The following PHF20L1 variants were observed in gnomAD, a reference collection of about 807,000 sequenced individuals.
The protein encoded by PHF20L1 is PHD finger protein 20-like protein 1.
Under a neutral mutation model 125.5 loss-of-function variants are expected in PHF20L1, and 44 were observed. That is an observed-to-expected ratio of 0.35 (90% CI 0.28 to 0.45). PHF20L1 has a LOEUF of 0.45. PHF20L1 is among the 20% of genes least tolerant of loss of function. PHF20L1 has a pLI of 1.00. For missense variants in PHF20L1, 1,012 were observed against 1,217.2 expected, an observed-to-expected ratio of 0.83 and a Z score of 2.51; for synonymous variants, 380 against 403.1, an observed-to-expected ratio of 0.94 and a Z score of 0.69.
At position 132,799,089 on chromosome 8, in the gene PHF20L1, T is replaced by C; in HGVS notation, c.430-6T>C. 4 of 1,607,634 alleles carry C rather than the reference T, an allele frequency of 2.5e-6. No individual in the cohort carries two copies. Among genetic ancestry groups the C allele is most frequent in the Non-Finnish European group, 3.4e-6 (4 of 1,175,690 alleles). On this transcript the variant is annotated splice_region_variant and splice_polypyrimidine_tract_variant and intron_variant, in intron 5 of 20. Coordinates refer to ENST00000395386, the MANE Select transcript of PHF20L1 (RefSeq NM_016018.5). The stretch of plus-strand genomic sequence containing the variant: ...TAAAGTTATAGGTCACTAGTTTCTG[T>C]TCCAGGTGAAATCCCAGCATCCACT...
At position 132,846,927 on chromosome 8, in the gene PHF20L1, T is replaced by A. The variant is rs1438259617; in HGVS notation, c.*1004T>A. On this transcript the variant is annotated 3_prime_UTR_variant, in exon 21 of 21. Transcript: ENST00000395386. ...TGTGGATTTTTTTAACTGCTAGTAGTGGAATACTGGAAAAGCTTCATTTCT... is the reference window on the plus strand; with the variant it reads ...TGTGGATTTTTTTAACTGCTAGTAGAGGAATACTGGAAAAGCTTCATTTCT... 1 of 152,526 alleles carries A rather than the reference T, an allele frequency of 6.6e-6. No homozygotes were observed. The highest frequency in any genetic ancestry group is 1.5e-5 in the Non-Finnish European group (1 of 68,002). 9.4% of individuals were successfully genotyped at this position (152,526 alleles called of 1,614,324 possible).
rs147410409 is a variant in PHF20L1 at position 132,809,871 on chromosome 8, G to A, written c.848-1175G>A. 6.6e-5 allele frequency: 10 copies of A among 151,878 alleles called. No homozygotes were observed. The East Asian group carries it at 1.9e-3, about 29-fold the overall frequency. The allele number at this position is 151,878 out of a possible 1,614,324, so 9.4% of individuals were successfully genotyped here. A position where few individuals can be genotyped will look rare whatever the true frequency, so the allele number is the denominator to read the frequency against. ...AATGACACAGAAATGAATTTTGGTGGCCTTTTATGAGCAGGGTGGCCTTAA... is the reference window on the plus strand; with the variant it reads ...AATGACACAGAAATGAATTTTGGTGACCTTTTATGAGCAGGGTGGCCTTAA... On this transcript the variant is annotated intron_variant, in intron 8 of 20. Transcript: ENST00000395386.
At chr8:132,809,236 G>A (rs1225533750) in intron 8 of PHF20L1, 3 of 151,850 alleles carry the variant, frequency 2.0e-5, no homozygotes, top group Non-Finnish European at 2.9e-5. Flanking sequence ...GTGCCATCTC[G>A]GCTCACTGCA....
intron 6 of PHF20L1, chr8:132,800,080 T>C (rs897310569): frequency 6.6e-6 from 1 of 151,618 alleles, no homozygotes; most frequent in African/African-American, 2.4e-5. Context: ...ATTATTTTGT[T>C]ATTCTGGTTG....
intron 2 of PHF20L1, among the ~76,000 whole-genome samples, chr8:132,787,704 A>G (rs1283860690): frequency 2.0e-5 from 3 of 152,152 alleles, no homozygotes; most frequent in Non-Finnish European, 2.9e-5. Context: ...AAATACTGTA[A>G]TTGTAGTATG....
At chr8:132,825,629 C>T (rs1034698929) in intron 14 of PHF20L1, among the ~76,000 whole-genome samples, 12 of 151,990 alleles carry the variant, frequency 7.9e-5, no homozygotes, top group Admixed American at 2.6e-4. Context: ...ATGGTAGACT[C>T]GATGCCCTGA....
rs1186056940 is a variant in PHF20L1 at position 132,836,570 on chromosome 8, C to A, written c.1940C>A (p.Ser647Tyr). ...TCAGATGTAGACTTCCTAGATGATTCTTCAACGGAGAGTTTGCTTCTGAGT... is the reference window on the plus strand; with the variant it reads ...TCAGATGTAGACTTCCTAGATGATTATTCAACGGAGAGTTTGCTTCTGAGT... ...NLSDVDFLDDSSTESLLLSGD... is the reference protein window; with the variant it reads ...NLSDVDFLDDYSTESLLLSGD... The change falls in exon 16 of 21, where the codon TCT (serine) becomes TAT (tyrosine). Residue 647 changes from serine (S) to tyrosine (Y), a missense_variant. Transcript: ENST00000395386. 6.2e-7 allele frequency: 1 copy of A among 1,611,270 alleles called. No individual in the cohort carries two copies. The highest frequency in any genetic ancestry group is 1.7e-5 in the Admixed American group (1 of 59,906).
At position 132,846,545 on chromosome 8, in the gene PHF20L1, T is replaced by C. The variant is rs1838433007; in HGVS notation, c.*622T>C. On this transcript the variant is annotated 3_prime_UTR_variant, in exon 21 of 21. Transcript: ENST00000395386. ...TGGAATTCTTACTTCATTATGAATGTATTTAAAAAACAAACACCAAATAAT... is the reference window on the plus strand; with the variant it reads ...TGGAATTCTTACTTCATTATGAATGCATTTAAAAAACAAACACCAAATAAT... 1.3e-5 allele frequency: 2 copies of C among 152,560 alleles called. No homozygotes were observed. The highest frequency in any genetic ancestry group is 4.1e-4 in the South Asian group (2 of 4,828). 9.5% of individuals were successfully genotyped at this position (152,560 alleles called of 1,614,324 possible).
At position 132,846,048 on chromosome 8, in the gene PHF20L1, T is replaced by C; in HGVS notation, c.*125T>C. ...TCTGGTCATTCACTGATTTGTGATGTCAATAGGATGGCACCTTGGAAAGAA... is the reference window on the plus strand; with the variant it reads ...TCTGGTCATTCACTGATTTGTGATGCCAATAGGATGGCACCTTGGAAAGAA... On this transcript the variant is annotated 3_prime_UTR_variant, in exon 21 of 21. Coordinates refer to ENST00000395386, the MANE Select transcript of PHF20L1 (RefSeq NM_016018.5). 1.4e-6 allele frequency: 1 copy of C among 694,264 alleles called. No homozygotes were observed. Among genetic ancestry groups the C allele is most frequent in the Non-Finnish European group, 2.4e-6 (1 of 425,424 alleles). The allele number at this position is 694,264 out of a possible 1,614,324, so 43.0% of individuals were successfully genotyped here.
intron 12 of PHF20L1, among the ~76,000 whole-genome samples, chr8:132,822,045 G>C (rs141643372): frequency 6.6e-6 from 1 of 151,860 alleles, no homozygotes; most frequent in East Asian, 1.9e-4. Flanking sequence ...TTAAAGTCCT[G>C]CCGTTGCATA....
rs769446293 is a variant in PHF20L1 at position 132,842,684 on chromosome 8, G to A, written c.2557G>A (p.Glu853Lys). Residue 853 changes from glutamate (E) to lysine (K), a missense_variant, in exon 19 of 21, where the codon GAA (glutamate) becomes AAA (lysine). Glu to Lys is a moderately conservative substitution (Grantham distance 56). Around this residue, in one of 7 missense-constraint regions of PHF20L1, gnomAD observed 277 missense variants for 283.6 expected, o/e 0.98. Transcript: ENST00000395386. Reference protein sequence around the residue: ...KEPPRLPLKMEGTYITSEHSY... With the variant: ...KEPPRLPLKMKGTYITSEHSY... ...ACCACCTCGTTTGCCCCTAAAAATG[G>A]AAGGAACTTATATAACAAGTGAGCA... 1 of 1,613,270 alleles carries A rather than the reference G, an allele frequency of 6.2e-7. No individual in the cohort carries two copies. Among genetic ancestry groups the A allele is most frequent in the Non-Finnish European group, 8.5e-7 (1 of 1,179,588 alleles).
intron 14 of PHF20L1, among the ~76,000 whole-genome samples, chr8:132,829,067 A>C (rs892792032): frequency 6.6e-6 from 1 of 152,074 alleles, no homozygotes; most frequent in Admixed American, 6.6e-5. Flanking sequence ...GAAACATAAC[A>C]GACTTTTATT....
At chr8:132,791,741 T>C (rs1011363155) in intron 2 of PHF20L1, among the ~76,000 whole-genome samples, 2 of 152,174 alleles carry the variant, frequency 1.3e-5, no homozygotes, top group African/African-American at 4.8e-5. Flanking sequence ...GAGAAGAATC[T>C]TGGGTATCTG....
intron 2 of PHF20L1, among the ~76,000 whole-genome samples, chr8:132,791,342 C>T (rs1209318101): frequency 2.7e-5 from 4 of 150,614 alleles, no homozygotes; most frequent in Non-Finnish European, 5.9e-5. Flanking sequence ...CAACCTCTGC[C>T]TCCCGGGTTC....
At chr8:132,793,580 T>C (rs1014506893) in intron 2 of PHF20L1, among the ~76,000 whole-genome samples, 3 of 152,012 alleles carry the variant, frequency 2.0e-5, no homozygotes, top group African/African-American at 4.8e-5. Flanking sequence ...AATCATACTT[T>C]AAAAAAAATT....
chr8:132,830,541 GTTTCCATCTCTCA>G (rs1384551908), intron 14 of PHF20L1, among the ~76,000 whole-genome samples: 1 of 151,744 alleles, frequency 6.6e-6, no homozygotes, highest in Non-Finnish European at 1.5e-5. Flanking sequence ...TTTCCCACTC[GTTTCCATCTCTCA>G]TTTCCACCTC....
At chr8:132,801,802 A>C (rs1422235922) in intron 6 of PHF20L1, among the ~76,000 whole-genome samples, 6 of 151,716 alleles carry the variant, frequency 4.0e-5, no homozygotes, top group Non-Finnish European at 7.4e-5. Context: ...ACAGTGGGAG[A>C]ATTCTTTAAT....
intron 12 of PHF20L1, among the ~76,000 whole-genome samples, chr8:132,820,692 T>C (rs1006538225): frequency 6.6e-6 from 1 of 151,990 alleles, no homozygotes; most frequent in Non-Finnish European, 1.5e-5. Flanking sequence ...TGGTCACTTT[T>C]GGCTCTACAA....
intron 9 of PHF20L1, among the ~76,000 whole-genome samples, chr8:132,814,198 TAAAAG>T (rs925697454): frequency 2.6e-5 from 4 of 151,958 alleles, no homozygotes; most frequent in Admixed American, 1.3e-4. Flanking sequence ...ACATTCAACT[TAAAAG>T]AAAAGATTTT....
Sources: gnomAD v4.1 joint callset for allele counts (sites outside exome capture counted in the v4.1 genomes callset) on GRCh38, gnomAD v4.1.1 for gene constraint, gnomAD v4.1.1 regional missense constraint, MANE v1.5 for transcripts, NCBI Gene and HGNC (gene_info 2026-07-23, HGNC 2026-07-21) for gene names.